The following EPAS1 variants were observed in gnomAD, a reference collection of about 807,000 sequenced individuals.
EPAS1 encodes endothelial PAS domain-containing protein 1.
Under a neutral mutation model 87.9 loss-of-function variants are expected in EPAS1, and 23 were observed. The ratio of observed to expected loss-of-function variants is 0.26; its 90% confidence interval spans 0.19 to 0.37. The LOEUF (loss-of-function observed/expected upper bound fraction) is 0.37, where lower values mean the gene tolerates loss of function less well. Among genes scored for constraint, EPAS1 ranks in the 10% least tolerant of loss-of-function variants. The probability of loss-of-function intolerance (pLI) is 1.00; values close to 1 mark genes in which losing one functional copy is unlikely to be tolerated. For missense variants in EPAS1, 1,138 were observed against 1,120.7 expected (o/e 1.02, Z -0.22); for synonymous variants, 508 against 444.3 (o/e 1.14, Z -1.80).
At chr2:46,341,996 C>A (rs974566935) in intron 1 of EPAS1, among the ~76,000 whole-genome samples, 1 of 152,096 alleles carries the variant, frequency 6.6e-6, no homozygotes, top group Admixed American at 6.6e-5. Flanking sequence ...ACACACACAC[C>A]CACCCATCCA....
At chr2:46,332,136 G>T (rs1683688348) in intron 1 of EPAS1, among the ~76,000 whole-genome samples, 1 of 152,194 alleles carries the variant, frequency 6.6e-6, no homozygotes, top group South Asian at 2.1e-4. Flanking sequence ...TGGGGAAGAG[G>T]CTGTGGGGTG....
chr2:46,331,623 G>A (rs541198276), intron 1 of EPAS1, among the ~76,000 whole-genome samples: 9 of 152,196 alleles, frequency 5.9e-5, no homozygotes, highest in Non-Finnish European at 1.3e-4. Flanking sequence ...CCAAAGCTCC[G>A]AGGTTTAAAA....
chr2:46,380,818 C>T lies in EPAS1; in HGVS notation c.2045+101C>T. On this transcript the variant is annotated intron_variant, in intron 12 of 15. Transcript: ENST00000263734. This position sits in a 1 kb window ranked among gnomAD's most constrained non-coding sequence, Gnocchi z 4.4. ...GGGAGGCCCCTGCCCCTCTCCCCAG[C>T]CATCTGATACCCCATTTAGCCCTTC... 2 of 1,570,230 alleles carry T rather than the reference C, an allele frequency of 1.3e-6. No homozygotes were observed. Among genetic ancestry groups the T allele is most frequent in the Non-Finnish European group, 1.7e-6 (2 of 1,156,848 alleles).
intron 6 of EPAS1, among the ~76,000 whole-genome samples, chr2:46,363,299 C>T (rs1340853518): frequency 6.6e-6 from 1 of 152,172 alleles, no homozygotes; most frequent in Non-Finnish European, 1.5e-5. Context: ...AAGTCAGATA[C>T]GTGCTTCACC....
intron 6 of EPAS1, among the ~76,000 whole-genome samples, chr2:46,365,882 G>A (rs1684489827): frequency 6.6e-6 from 1 of 152,086 alleles, no homozygotes; most frequent in Non-Finnish European, 1.5e-5. Flanking sequence ...TGGGCAGAGT[G>A]TGGAAGGAAA....
At chr2:46,313,223 G>A (rs1330705531) in intron 1 of EPAS1, among the ~76,000 whole-genome samples, 2 of 152,190 alleles carry the variant, frequency 1.3e-5, no homozygotes, top group African/African-American at 4.8e-5. Context: ...AGGCCACTCA[G>A]CTCTGGCCTC....
Position 46,382,040 on chromosome 2 carries a change from G to A in EPAS1, c.2238G>A (p.Gly746=), listed in dbSNP as rs1176425061. The part of the protein sequence containing the change: ...MWKRMKNLRG[G]SCPLMPDKPL... ...AACGGATGAAGAACCTCAGGGGTGG[G>A]AGCTGCCCTTTGATGCCGGACAAGC... The change falls in exon 14 of 16, where the codon GGG becomes GGA. Residue 746 remains glycine, a synonymous_variant. Transcript: ENST00000263734. 2.5e-6 allele frequency: 4 copies of A among 1,613,916 alleles called. No homozygotes were observed. The highest frequency in any genetic ancestry group is 4.5e-5 in the East Asian group (2 of 44,884).
At chr2:46,343,002 C>G (rs1683941427) in intron 1 of EPAS1, among the ~76,000 whole-genome samples, 1 of 152,006 alleles carries the variant, frequency 6.6e-6, no homozygotes, top group Non-Finnish European at 1.5e-5. Flanking sequence ...AAAAAACAAA[C>G]CCAAAACAAA....
chr2:46,361,874 C>T (rs1207332632), intron 6 of EPAS1, among the ~76,000 whole-genome samples: 1 of 152,032 alleles, frequency 6.6e-6, no homozygotes, highest in African/African-American at 2.4e-5. Context: ...ATTTAGATAC[C>T]CTACAGCTCC....
chr2:46,342,723 C>T (rs905275487), intron 1 of EPAS1, among the ~76,000 whole-genome samples: 4 of 152,156 alleles, frequency 2.6e-5, no homozygotes, highest in Admixed American at 1.3e-4. Flanking sequence ...ACCTAAGTAG[C>T]GATCCCTAAG....
chr2:46,301,521 G>C (rs1221870616), intron 1 of EPAS1, among the ~76,000 whole-genome samples: 1 of 151,148 alleles, frequency 6.6e-6, no homozygotes, highest in African/African-American at 2.4e-5. Flanking sequence ...AGGCTGCAGT[G>C]AGCGGAGATA....
chr2:46,332,668 C>G (rs891063631), intron 1 of EPAS1, among the ~76,000 whole-genome samples: 2 of 152,104 alleles, frequency 1.3e-5, no homozygotes, highest in Non-Finnish European at 2.9e-5. Flanking sequence ...TGTTTTGTTT[C>G]TTAGGATTTT....
At position 46,297,944 on chromosome 2, in the gene EPAS1, G is replaced by A. The variant is rs764477794; in HGVS notation, c.26+7G>A. The stretch of plus-strand genomic sequence containing the variant: ...CTGACAAGGAGAAGAAAAGGTAAGC[G>A]GGCGTCCGGGCCGATCAGGGGGCCG... On this transcript the variant is annotated splice_region_variant and intron_variant, in intron 1 of 15. Transcript: ENST00000263734. The A allele has an allele frequency of 6.2e-7, 1 of 1,612,158 alleles. No homozygotes were observed.
At chr2:46,329,590 G>A (rs975808368) in intron 1 of EPAS1, among the ~76,000 whole-genome samples, 5 of 152,164 alleles carry the variant, frequency 3.3e-5, no homozygotes, top group South Asian at 2.1e-4. Context: ...TTAGGAGGCC[G>A]AGGCGGGTGG....
At chr2:46,329,301 C>T (rs920406077) in intron 1 of EPAS1, among the ~76,000 whole-genome samples, 3 of 152,110 alleles carry the variant, frequency 2.0e-5, no homozygotes, top group African/African-American at 7.2e-5. Flanking sequence ...CTCTTTCTTT[C>T]CTAGGACTCA....
intron 1 of EPAS1, among the ~76,000 whole-genome samples, chr2:46,336,898 G>T (rs1683803684): frequency 1.3e-5 from 2 of 152,218 alleles, no homozygotes; most frequent in African/African-American, 4.8e-5. Context: ...GACTCCACAG[G>T]CAGCTGTCAG....
intron 1 of EPAS1, among the ~76,000 whole-genome samples, chr2:46,321,062 G>C (rs193147831): frequency 4.3e-4 from 65 of 152,152 alleles, no homozygotes; most frequent in Non-Finnish European, 3.1e-4. Flanking sequence ...TCCAATCCCC[G>C]ATAATCACTA....
rs1682972458 is a variant in EPAS1, at chr2:46,300,346, T to TC, written c.26+2414dup. ...TCTTTGGTTTAGCAGAGCAGTTTCT[T>TC]CCCCCAAATGCAATATGGGCAGAAC... On this transcript the variant is annotated intron_variant, in intron 1 of 15. Transcript: ENST00000263734. This position sits in a 1 kb window ranked among gnomAD's most constrained non-coding sequence, Gnocchi z 4.1. 6.6e-6 allele frequency among the ~76,000 whole-genome samples: 1 copy of TC among 152,170 alleles called. No homozygotes were observed. The highest frequency in any genetic ancestry group is 2.4e-5 in the African/African-American group (1 of 41,430).
At chr2:46,381,555 G>T in intron 12 of EPAS1, 41 bp from the exon 13 acceptor site, 1 of 1,613,718 alleles carries the variant, frequency 6.2e-7, no homozygotes, top group Non-Finnish European at 8.5e-7. Context: ...GTGGCATGTG[G>T]CTCCAGACTC....
Sources: allele counts gnomAD v4.1 joint callset (sites outside exome capture counted in the v4.1 genomes callset), GRCh38; gene constraint gnomAD v4.1.1; non-coding constraint Gnocchi (gnomAD v3.1); transcripts MANE v1.5; gene names NCBI Gene and HGNC (gene_info 2026-07-23, HGNC 2026-07-21).